Variants in ISX observed in about 807,000 individuals in gnomAD.
The protein encoded by ISX is intestine-specific homeobox.
A neutral mutation model predicts 16.9 loss-of-function variants in ISX; 15 were observed. The ratio of observed to expected loss-of-function variants is 0.89; its 90% CI spans 0.59 to 1.36. The LOEUF (loss-of-function observed/expected upper bound fraction) is 1.36, where lower values mean the gene tolerates loss of function less well. ISX is among the 40% of genes most tolerant of loss of function. The pLI is 0.00. For missense variants in ISX, 316 were observed against 306.1 expected, an observed-to-expected ratio of 1.03 and a Z score of -0.24; for synonymous variants, 125 against 119.7, an observed-to-expected ratio of 1.04 and a Z score of -0.29.
chr22:35,067,461 G>A, intron 2 of ISX, 145 bp downstream of exon 2: 1 of 632,582 alleles, frequency 1.6e-6, no homozygotes, highest in Non-Finnish European at 2.7e-6. Context: ...CTGGTTTCCT[G>A]ATATACCTTT....
At chr22:35,081,787 C>A (rs1929128800) in intron 2 of ISX, among the ~76,000 whole-genome samples, 3 of 152,198 alleles carry the variant, frequency 2.0e-5, no homozygotes, top group African/African-American at 7.2e-5. Context: ...GGATGCATGA[C>A]ATGAAATAGC....
At chr22:35,069,058 C>T (rs1350907347) in intron 2 of ISX, among the ~76,000 whole-genome samples, 1 of 152,160 alleles carries the variant, frequency 6.6e-6, no homozygotes, top group Non-Finnish European at 1.5e-5. Context: ...ACTGGCGGCT[C>T]TCAAGATGAC....
chr22:35,074,181 C>A (rs1255967425), intron 2 of ISX, among the ~76,000 whole-genome samples: 1 of 152,220 alleles, frequency 6.6e-6, no homozygotes, highest in Non-Finnish European at 1.5e-5. Context: ...CCAAGAGTTA[C>A]ATCAGCCTCC....
intron 3 of ISX, 107 bp downstream of exon 3, chr22:35,082,776 T>C: frequency 9.3e-6 from 11 of 1,187,096 alleles, no homozygotes; most frequent in Non-Finnish European, 1.3e-5. Flanking sequence ...AAGTTTCTGT[T>C]GGCTTTATCC....
chr22:35,083,436 C>T (rs1929170103), intron 3 of ISX, among the ~76,000 whole-genome samples: 1 of 152,208 alleles, frequency 6.6e-6, no homozygotes, highest in African/African-American at 2.4e-5. Flanking sequence ...GATCTCTTCA[C>T]CGCAGTTTAT....
At chr22:35,081,739 C>A (rs543772784) in intron 2 of ISX, among the ~76,000 whole-genome samples, 158 of 152,164 alleles carry the variant, frequency 1.0e-3, no homozygotes, top group Non-Finnish European at 1.6e-3. Context: ...CCCTGCGAGA[C>A]CTAATCTCAC....
intron 2 of ISX, among the ~76,000 whole-genome samples, chr22:35,076,351 A>T (rs1928979562): frequency 6.6e-6 from 1 of 152,246 alleles, no homozygotes; most frequent in Non-Finnish European, 1.5e-5. Flanking sequence ...AAAGCAGATG[A>T]TGCTAGAAAG....
intron 4 of ISX, 50 bp from the exon 5 acceptor site, chr22:35,085,404 C>A (rs1474869792): frequency 6.2e-7 from 1 of 1,606,130 alleles, no homozygotes; most frequent in East Asian, 2.2e-5. Flanking sequence ...TGAGAAGCTG[C>A]AGAGACAGCT....
In ISX at chr22:35,082,651, C is replaced by T. The variant is rs140599630; in HGVS notation, c.363C>T (p.Leu121=). Residue 121 remains leucine (L), a synonymous_variant, in exon 3 of 5, where the codon CTC becomes CTT. Transcript: ENST00000404699. ...IRSQLAARIN[L]PEARVQIWFQ... is the part of the protein sequence containing the mutation. ...GCCAGCTGGCAGCCAGGATCAACCT[C>T]CCAGAAGCTCGGGTGCAGGTACAGC... 382 of 1,614,146 alleles carry T rather than the reference C, an allele frequency of 2.4e-4. 1 individual carries two copies. The African/African-American group carries it at 4.3e-3, about 18-fold the overall frequency.
In ISX at chr22:35,085,833, A is replaced by T. The variant is rs952474921; in HGVS notation, c.*140A>T. ...CCCAGGAAGCTACCCTGAACATGCC[A>T]GTTGGAAGGCTGCACCAGACTCAAA... On this transcript the variant is annotated 3_prime_UTR_variant, in exon 5 of 5. Transcript: ENST00000404699. The T allele has an allele frequency of 7.8e-6, 8 of 1,028,580 alleles. No homozygotes were observed. The African/African-American group carries it at 1.3e-4, about 16-fold the overall frequency. The allele number at this position is 1,028,580 out of a possible 1,614,324, so 63.7% of individuals were successfully genotyped here. A position where few individuals can be genotyped will look rare whatever the true frequency, so the allele number is the denominator to read the frequency against.
At chr22:35,083,763 A>T (rs1454658379) in intron 3 of ISX, among the ~76,000 whole-genome samples, 1 of 152,160 alleles carries the variant, frequency 6.6e-6, no homozygotes, top group Non-Finnish European at 1.5e-5. Context: ...AGAATCAGGC[A>T]CTAGCTAAAT....
At chr22:35,084,894 A>C (rs1929211656) in intron 4 of ISX, among the ~76,000 whole-genome samples, 1 of 152,122 alleles carries the variant, frequency 6.6e-6, no homozygotes, top group African/African-American at 2.4e-5. Flanking sequence ...TATCCCTCAG[A>C]GAATGTAATA....
Position 35,085,961 on chromosome 22 carries a change from AG to A in ISX, c.*271del. 2.0e-6 allele frequency: 1 copy of A among 511,292 alleles called. No homozygotes were observed. Among genetic ancestry groups the A allele is most frequent in the South Asian group, 2.1e-5 (1 of 47,646 alleles). The allele number at this position is 511,292 out of a possible 1,614,324, so 31.7% of individuals were successfully genotyped here. A position where few individuals can be genotyped will look rare whatever the true frequency, so the allele number is the denominator to read the frequency against. ...GAGATCTCAGGCCGAGCTCTGAAAT[AG>A]GGAGGTAATCCTCCAGCACCTGTGT... On this transcript the variant is annotated 3_prime_UTR_variant, in exon 5 of 5. Coordinates refer to ENST00000404699, the MANE Select transcript of ISX (RefSeq NM_001303508.2).
rs754013706 is a variant in ISX, at chr22:35,082,562, G to C, written c.274G>C (p.Glu92Gln). 17 of 1,614,074 alleles carry C rather than the reference G, an allele frequency of 1.1e-5. No homozygotes were observed. The South Asian group carries it at 1.8e-4, about 17-fold the overall frequency. Residue 92 changes from glutamate to glutamine, a missense_variant, in exon 3 of 5, where the codon GAG becomes CAG. Physicochemically the swap from Glu to Gln is conservative, Grantham distance 29 (BLOSUM62 2). Coordinates refer to ENST00000404699, the MANE Select transcript of ISX (RefSeq NM_001303508.2). Reference sequence around the variant, plus strand: ...GAGGGTTCGTACCACCTTCACCACTGAGCAGCTGCATGAGCTGGAGAAGAT... The same window carrying C: ...GAGGGTTCGTACCACCTTCACCACTCAGCAGCTGCATGAGCTGGAGAAGAT... ...KRRVRTTFTT[E>Q]QLHELEKIFH...
intron 2 of ISX, among the ~76,000 whole-genome samples, chr22:35,074,713 T>C (rs1352335457): frequency 6.6e-6 from 1 of 152,200 alleles, no homozygotes; most frequent in Non-Finnish European, 1.5e-5. Context: ...AAACATGGAT[T>C]TCCCCATTGA....
intron 2 of ISX, among the ~76,000 whole-genome samples, chr22:35,077,041 A>T (rs1368281704): frequency 6.6e-6 from 1 of 152,082 alleles, no homozygotes; most frequent in Non-Finnish European, 1.5e-5. Flanking sequence ...CTGGATGGGA[A>T]CCCAAGGGTT....
rs771088674 is a variant in ISX at position 35,067,109 on chromosome 22, G to T, written c.22G>T (p.Ala8Ser). 1 of 1,613,894 alleles carries T rather than the reference G, an allele frequency of 6.2e-7. No individual in the cohort carries two copies. The highest frequency in any genetic ancestry group is 8.5e-7 in the Non-Finnish European group (1 of 1,179,934). Reference protein sequence around the residue: MCAEVGPALCRGMERNSL... With the variant: MCAEVGPSLCRGMERNSL... ...CTCAATGTGTGCTGAGGTGGGCCCT[G>T]CTCTCTGCAGGGGTATGGAGAGAAA... The change falls in exon 2 of 5, where the codon GCT (alanine) becomes TCT (serine). Residue 8 changes from alanine (A) to serine (S), a missense_variant. Transcript: ENST00000404699.
chr22:35,067,427 T>A, intron 2 of ISX, 111 bp downstream of exon 2: 1 of 733,270 alleles, frequency 1.4e-6, no homozygotes, highest in Non-Finnish European at 2.2e-6. Context: ...GACTCTAAAA[T>A]TCAGAGCAAG....
chr22:35,075,879 T>G (rs537803074), intron 2 of ISX, among the ~76,000 whole-genome samples: 1 of 152,308 alleles, frequency 6.6e-6, no homozygotes, highest in South Asian at 2.1e-4. Context: ...TGCTGTTTTA[T>G]TTCATTATTT....
Sources: gnomAD v4.1 joint callset for allele counts (sites outside exome capture counted in the v4.1 genomes callset) on GRCh38, gnomAD v4.1.1 for gene constraint, MANE v1.5 for transcripts, NCBI Gene and HGNC (gene_info 2026-07-23, HGNC 2026-07-21) for gene names.